The following ADCY8 variants were observed in gnomAD, a reference collection of about 807,000 sequenced individuals.
ADCY8 encodes the protein adenylate cyclase type 8.
Under a neutral mutation model 119.7 loss-of-function variants are expected in ADCY8, and 51 were observed. That is an observed-to-expected ratio of 0.43 (90% CI 0.34 to 0.54). The LOEUF is 0.54. ADCY8 is among the 20% of genes least tolerant of loss of function. The probability of loss-of-function intolerance (pLI) is 0.03; values close to 1 mark genes in which losing one functional copy is unlikely to be tolerated. For missense variants in ADCY8, 1,383 were observed against 1,598.8 expected, an observed-to-expected ratio of 0.87 and a Z score of 2.30; for synonymous variants, 665 against 651.0, an observed-to-expected ratio of 1.02 and a Z score of -0.33.
chr8:130,875,552 G>A (rs548967279), intron 8 of ADCY8, among the ~76,000 whole-genome samples: 20 of 152,236 alleles, frequency 1.3e-4, no homozygotes, highest in Admixed American at 9.8e-4. Flanking sequence ...CATTTTGCTC[G>A]TTACCTAATT....
intron 7 of ADCY8, among the ~76,000 whole-genome samples, chr8:130,899,530 C>A (rs1020021730): frequency 6.6e-6 from 1 of 151,922 alleles, no homozygotes; most frequent in East Asian, 1.9e-4. Flanking sequence ...CGCTGGAACC[C>A]GGGAGGCGGA....
intron 14 of ADCY8, among the ~76,000 whole-genome samples, chr8:130,802,879 T>C (rs1815825509): frequency 6.6e-6 from 1 of 152,232 alleles, no homozygotes. Context: ...TGGGAACTGC[T>C]GGAGAGTCCC....
chr8:130,904,294 C>T (rs1018132545), intron 6 of ADCY8, among the ~76,000 whole-genome samples: 12 of 152,204 alleles, frequency 7.9e-5, no homozygotes, highest in Non-Finnish European at 1.3e-4. Context: ...CCTTCTGAGC[C>T]ACACCTAAGC....
At chr8:130,871,311 C>G (rs1818345747) in intron 8 of ADCY8, among the ~76,000 whole-genome samples, 1 of 152,170 alleles carries the variant, frequency 6.6e-6, no homozygotes, top group Non-Finnish European at 1.5e-5. Flanking sequence ...CCCCACTTAT[C>G]CTTTTATATC....
intron 12 of ADCY8, among the ~76,000 whole-genome samples, chr8:130,829,403 A>T (rs1049336606): frequency 4.0e-5 from 6 of 151,834 alleles, no homozygotes; most frequent in African/African-American, 9.7e-5. Flanking sequence ...TTAGATTGTG[A>T]ACTGTAAACT....
chr8:130,946,950 G>T (rs528019374), intron 3 of ADCY8, among the ~76,000 whole-genome samples: 1 of 152,288 alleles, frequency 6.6e-6, no homozygotes, highest in African/African-American at 2.4e-5. Flanking sequence ...TTGAATAAAA[G>T]ACCAGAAGCA....
chr8:130,937,197 G>A lies in ADCY8; in HGVS notation c.1357C>T (p.His453Tyr), dbSNP rs1311205316. 6.2e-7 allele frequency: 1 copy of A among 1,613,242 alleles called. No homozygotes were observed. The highest frequency in any genetic ancestry group is 1.3e-5 in the African/African-American group (1 of 74,880). Residue 453 changes from histidine to tyrosine, a missense_variant, in exon 5 of 18, where the codon CAT becomes TAT. Physicochemically the swap from His to Tyr is moderately conservative, Grantham distance 83. Coordinates refer to ENST00000286355, the MANE Select transcript of ADCY8 (RefSeq NM_001115.3). Reference sequence around the variant, plus strand: ...AGGATTTTAATACGAAGGCAGTGATGCTCCTGGAAGGAACAGGATAAGAGG... The same window carrying A: ...AGGATTTTAATACGAAGGCAGTGATACTCCTGGAAGGAACAGGATAAGAGG... The part of the protein sequence containing the change: ...FARFDRLAHE[H>Y]HCLRIKILGD...
intron 5 of ADCY8, among the ~76,000 whole-genome samples, chr8:130,927,382 G>C (rs1820503906): frequency 1.3e-5 from 2 of 152,060 alleles, no homozygotes; most frequent in Non-Finnish European, 1.5e-5. Flanking sequence ...CTGTTGGCTT[G>C]TATACCTTCT....
chr8:130,906,521 A>C (rs1041722626), intron 6 of ADCY8, among the ~76,000 whole-genome samples: 1 of 152,220 alleles, frequency 6.6e-6, no homozygotes, highest in African/African-American at 2.4e-5. Flanking sequence ...CTTCTGCTGA[A>C]GTGCTAATCA....
intron 8 of ADCY8, among the ~76,000 whole-genome samples, chr8:130,869,019 G>C: frequency 6.6e-6 from 1 of 152,178 alleles, no homozygotes; most frequent in East Asian, 1.9e-4. Context: ...ATTCTTTTCT[G>C]ACTTCTTGGG....
chr8:131,016,185 C>T (rs1176911367), intron 1 of ADCY8, among the ~76,000 whole-genome samples: 1 of 150,986 alleles, frequency 6.6e-6, no homozygotes, highest in Admixed American at 6.6e-5. Context: ...GGGAGAGTAA[C>T]ATGGGGTTGG....
At chr8:130,895,935 GT>G (rs1819373140) in intron 7 of ADCY8, among the ~76,000 whole-genome samples, 1 of 152,124 alleles carries the variant, frequency 6.6e-6, no homozygotes, top group African/African-American at 2.4e-5. Flanking sequence ...TATTTCAGGT[GT>G]TTTTAGGGGG....
chr8:130,999,651 G>T (rs1822883783), intron 1 of ADCY8, among the ~76,000 whole-genome samples: 1 of 152,178 alleles, frequency 6.6e-6, no homozygotes, highest in African/African-American at 2.4e-5. Context: ...CCCACAGTCT[G>T]CAGCCCAAGC....
intron 4 of ADCY8, among the ~76,000 whole-genome samples, chr8:130,938,593 A>G (rs2130628358): frequency 6.6e-6 from 1 of 152,328 alleles, no homozygotes; most frequent in South Asian, 2.1e-4. Context: ...ATGCCCTTGT[A>G]GTAGCAAGCT....
chr8:130,853,704 T>C (rs1215062841), intron 9 of ADCY8, among the ~76,000 whole-genome samples: 1 of 152,008 alleles, frequency 6.6e-6, no homozygotes, highest in Non-Finnish European at 1.5e-5. Context: ...CCTGAGTCCC[T>C]GACCCAGTTT....
intron 1 of ADCY8, among the ~76,000 whole-genome samples, chr8:131,036,215 G>C (rs1340198633): frequency 6.6e-6 from 1 of 152,132 alleles, no homozygotes; most frequent in South Asian, 2.1e-4. Context: ...GAAAATGAAG[G>C]ATGATACCAT....
chr8:130,806,427 A>G (rs1333620115), intron 14 of ADCY8, among the ~76,000 whole-genome samples: 1 of 152,198 alleles, frequency 6.6e-6, no homozygotes, highest in Non-Finnish European at 1.5e-5. Context: ...CCCAGCAGAA[A>G]AGAGGGCACA....
intron 7 of ADCY8, 136 bp downstream of exon 7, chr8:130,903,636 T>C (rs1456934206): frequency 3.0e-6 from 3 of 988,878 alleles, no homozygotes; most frequent in Non-Finnish European, 4.4e-6. Flanking sequence ...GACAGAGAGA[T>C]AGTTTGATCA....
Position 131,034,205 on chromosome 8 carries a change from T to C in ADCY8, c.960+5169A>G, listed in dbSNP as rs543228879. On this transcript the variant is annotated intron_variant, in intron 1 of 17. Coordinates refer to ENST00000286355, the MANE Select transcript of ADCY8 (RefSeq NM_001115.3). Reference sequence around the variant, plus strand: ...GTTGTACATTAAGTAGTCACAGGATTCCCTTTATTTGATTTGAGATAGCTA... The same window carrying C: ...GTTGTACATTAAGTAGTCACAGGATCCCCTTTATTTGATTTGAGATAGCTA... Among the ~76,000 whole-genome samples, 4 of 152,228 alleles carry C rather than the reference T, an allele frequency of 2.6e-5. No homozygotes were observed. In the South Asian group the frequency reaches 8.3e-4, roughly 32 times the overall value.
Sources: gnomAD v4.1 joint callset for allele counts (sites outside exome capture counted in the v4.1 genomes callset) on GRCh38, gnomAD v4.1.1 for gene constraint, MANE v1.5 for transcripts, NCBI Gene and HGNC (gene_info 2026-07-23, HGNC 2026-07-21) for gene names.